The following CHCHD6 variants were observed in gnomAD, a reference collection of about 807,000 sequenced individuals.
CHCHD6 encodes the protein coiled-coil-helix-coiled-coil-helix domain containing 6, also known as MICOS complex subunit MIC25.
Under a neutral mutation model 32.3 loss-of-function variants are expected in CHCHD6, and 28 were observed. The ratio of observed to expected loss-of-function variants is 0.87; its 90% CI spans 0.64 to 1.19. The LOEUF (loss-of-function observed/expected upper bound fraction) is 1.19, where lower values mean the gene tolerates loss of function less well. Ranked by LOEUF, CHCHD6 falls within the 50% of genes most tolerant of loss-of-function variation. The probability of loss-of-function intolerance (pLI) is 0.00; values close to 1 mark genes in which losing one functional copy is unlikely to be tolerated. For missense variants in CHCHD6, 333 were observed against 307.0 expected (o/e 1.08, Z -0.63); for synonymous variants, 122 against 117.5 (o/e 1.04, Z -0.25).
chr3:126,801,234 G>A (rs753980921), intron 4 of CHCHD6, among the ~76,000 whole-genome samples: 69 of 152,224 alleles, frequency 4.5e-4, no homozygotes, highest in Non-Finnish European at 6.9e-4. Context: ...GCAGCGCACC[G>A]TGCGCAAGCC....
chr3:126,837,937 C>T lies in CHCHD6; in HGVS notation c.412-14710C>T, dbSNP rs1350463310. Among the ~76,000 whole-genome samples the T allele has an allele frequency of 2.6e-5, 4 of 152,182 alleles. No individual in the cohort carries two copies. The South Asian group carries it at 8.3e-4, about 31-fold the overall frequency. ...ACGGAGGAGAGCAGGCTCTGGTTGC[C>T]TGAGAGGCCATCTGTCCTGTGATCC... On this transcript the variant is annotated intron_variant, in intron 4 of 7. Coordinates refer to ENST00000290913, the MANE Select transcript of CHCHD6 (RefSeq NM_032343.3).
chr3:126,743,641 A>G (rs1042342999), intron 4 of CHCHD6, among the ~76,000 whole-genome samples: 1 of 152,062 alleles, frequency 6.6e-6, no homozygotes, highest in Non-Finnish European at 1.5e-5. Context: ...CAGGCTGCCG[A>G]CCTCAGCTAG....
chr3:126,847,027 T>C (rs1941318659), intron 4 of CHCHD6, among the ~76,000 whole-genome samples: 1 of 152,230 alleles, frequency 6.6e-6, no homozygotes, highest in Admixed American at 6.5e-5. Context: ...TCCTTTCTTT[T>C]ATCCAAATTG....
intron 4 of CHCHD6, among the ~76,000 whole-genome samples, chr3:126,849,537 A>G (rs556364881): frequency 1.8e-4 from 28 of 152,324 alleles, no homozygotes; most frequent in Non-Finnish European, 3.8e-4. Flanking sequence ...TCTCTATTCA[A>G]AGACTGTCAT....
chr3:126,936,944 TC>T (rs1407856492), intron 6 of CHCHD6, among the ~76,000 whole-genome samples: 2 of 152,170 alleles, frequency 1.3e-5, no homozygotes, highest in Non-Finnish European at 2.9e-5. Context: ...ATTGGTCCCT[TC>T]CCTCCTTCAC....
At chr3:126,804,000 G>A (rs545015794) in intron 4 of CHCHD6, among the ~76,000 whole-genome samples, 2 of 152,200 alleles carry the variant, frequency 1.3e-5, no homozygotes, top group African/African-American at 4.8e-5. Flanking sequence ...AAATAAAGAT[G>A]TTCTTTTAAA....
intron 6 of CHCHD6, among the ~76,000 whole-genome samples, chr3:126,944,199 C>T (rs1372314473): frequency 6.6e-6 from 1 of 152,228 alleles, no homozygotes; most frequent in Non-Finnish European, 1.5e-5. Context: ...ATGCAGGACA[C>T]GGCATGGCCC....
At chr3:126,803,135 A>G (rs1371619467) in intron 4 of CHCHD6, among the ~76,000 whole-genome samples, 1 of 152,182 alleles carries the variant, frequency 6.6e-6, no homozygotes, top group Admixed American at 6.5e-5. Context: ...GACCATCGAG[A>G]CTAGGAAGAA....
intron 4 of CHCHD6, among the ~76,000 whole-genome samples, chr3:126,836,058 T>C (rs1940848183): frequency 6.6e-6 from 1 of 152,218 alleles, no homozygotes; most frequent in Non-Finnish European, 1.5e-5. Context: ...TCAGCTTTTA[T>C]GAGCTGCATT....
chr3:126,798,156 G>A (rs542229067), intron 4 of CHCHD6, among the ~76,000 whole-genome samples: 195 of 152,296 alleles, frequency 1.3e-3, no homozygotes, highest in Admixed American at 3.1e-3. Context: ...GGGGATGAGC[G>A]CAGCAGGGTG....
At chr3:126,922,002 A>C (rs964249451) in intron 6 of CHCHD6, among the ~76,000 whole-genome samples, 1 of 152,202 alleles carries the variant, frequency 6.6e-6, no homozygotes, top group Non-Finnish European at 1.5e-5. Context: ...ACTACATCTC[A>C]CTTCCCTAGG....
chr3:126,908,969 A>ATG (rs1465459040), intron 5 of CHCHD6, among the ~76,000 whole-genome samples: 1 of 152,236 alleles, frequency 6.6e-6, no homozygotes, highest in Non-Finnish European at 1.5e-5. Flanking sequence ...TGACCACGGC[A>ATG]TGCACACGTT....
intron 5 of CHCHD6, among the ~76,000 whole-genome samples, chr3:126,899,286 T>C (rs766002310): frequency 2.6e-5 from 4 of 152,196 alleles, no homozygotes; most frequent in Non-Finnish European, 5.9e-5. Flanking sequence ...CCTATCCTGG[T>C]CGTTGTTTTG....
chr3:126,782,953 G>A (rs922901960), intron 4 of CHCHD6, among the ~76,000 whole-genome samples: 4 of 152,190 alleles, frequency 2.6e-5, no homozygotes, highest in African/African-American at 7.2e-5. Context: ...TTTTGCATAT[G>A]GCTGGTCAGT....
chr3:126,742,751 G>A (rs1206644548), intron 4 of CHCHD6, among the ~76,000 whole-genome samples: 1 of 152,156 alleles, frequency 6.6e-6, no homozygotes, highest in Non-Finnish European at 1.5e-5. Context: ...TAGCAAGAAG[G>A]TTCCCATCAG....
intron 4 of CHCHD6, among the ~76,000 whole-genome samples, chr3:126,770,640 G>A (rs77325182): frequency 0.057 from 8,736 of 152,238 alleles, 792 homozygotes; most frequent in African/African-American, 0.19. Flanking sequence ...ATTGATATGC[G>A]TATGTTGAAC....
intron 5 of CHCHD6, among the ~76,000 whole-genome samples, chr3:126,870,597 G>T (rs2077453964): frequency 6.6e-6 from 1 of 152,196 alleles, no homozygotes; most frequent in Non-Finnish European, 1.5e-5. Flanking sequence ...ACATCCTGGG[G>T]CTTCCAGTCC....
chr3:126,843,945 C>T (rs956790834), intron 4 of CHCHD6, among the ~76,000 whole-genome samples: 4 of 152,178 alleles, frequency 2.6e-5, no homozygotes, highest in African/African-American at 7.2e-5. Context: ...ATTGCATTAT[C>T]TGTCATTTCC....
intron 4 of CHCHD6, among the ~76,000 whole-genome samples, chr3:126,816,262 T>C (rs539602006): frequency 1.3e-5 from 2 of 152,286 alleles, no homozygotes; most frequent in South Asian, 4.2e-4. Context: ...TGATGGAAGC[T>C]GAGCACTGAG....
Sources: gnomAD v4.1 joint callset for allele counts (sites outside exome capture counted in the v4.1 genomes callset) on GRCh38, gnomAD v4.1.1 for gene constraint, MANE v1.5 for transcripts, NCBI Gene and HGNC (gene_info 2026-07-23, HGNC 2026-07-21) for gene names.